CCSER1: variants seen among roughly 807,000 people sequenced by gnomAD.
CCSER1 encodes coiled-coil serine rich protein 1.
A neutral mutation model predicts 82.0 loss-of-function variants in CCSER1; 41 were observed. The observed-to-expected ratio is 0.50, with a 90% confidence interval of 0.39 to 0.65. The LOEUF (loss-of-function observed/expected upper bound fraction) is 0.65. Ranked by LOEUF, CCSER1 falls within the 30% of genes least tolerant of loss-of-function variation. The pLI, the probability that CCSER1 is intolerant of heterozygous loss-of-function variation, is 0.00. For synonymous variants in CCSER1, 414 were observed against 383.9 expected (o/e 1.08, Z -0.92); for missense variants, 1,119 against 1,064.2 (o/e 1.05, Z -0.72).
intron 1 of CCSER1, among the ~76,000 whole-genome samples, chr4:90,202,035 C>A (rs1005038879): frequency 1.3e-5 from 2 of 152,018 alleles, no homozygotes; most frequent in Non-Finnish European, 2.9e-5. Flanking sequence ...TAAGGTTACA[C>A]AGTATTTCCA....
chr4:90,800,351 C>CTA (rs1489401782), intron 7 of CCSER1, among the ~76,000 whole-genome samples: 1 of 152,134 alleles, frequency 6.6e-6, no homozygotes, highest in African/African-American at 2.4e-5. Context: ...AATCTTCCGC[C>CTA]TTGTCTTCCC....
intron 10 of CCSER1, among the ~76,000 whole-genome samples, chr4:91,519,444 A>C (rs765143855): frequency 1.6e-4 from 24 of 152,302 alleles, no homozygotes; most frequent in Middle Eastern, 6.8e-3. Flanking sequence ...GTGCAGTGGA[A>C]TCAAGTCATG....
intron 7 of CCSER1, among the ~76,000 whole-genome samples, chr4:90,758,821 A>C (rs576474744): frequency 6.6e-6 from 1 of 152,316 alleles, no homozygotes; most frequent in African/African-American, 2.4e-5. Context: ...ATAACACAAA[A>C]ATAGTGTAGT....
rs75760409 is a variant in CCSER1 at position 91,448,223 on chromosome 4, A to C, written c.2218-150349A>C. ...GTCTTTCAAATTTTCAAATATTTCT[A>C]TTTGACAGACTAATTTCTCTGTTCT... On this transcript the variant is annotated intron_variant, in intron 10 of 10. Coordinates refer to ENST00000509176, the MANE Select transcript of CCSER1 (RefSeq NM_001145065.2). Among the ~76,000 whole-genome samples the C allele has an allele frequency of 9.4e-3, 1,437 of 152,116 alleles. 24 individuals carry two copies. Among genetic ancestry groups the C allele is most frequent in the African/African-American group, 0.032 (1,345 of 41,536 alleles).
chr4:91,506,164 T>C (rs963927501), intron 10 of CCSER1, among the ~76,000 whole-genome samples: 1 of 152,188 alleles, frequency 6.6e-6, no homozygotes, highest in Non-Finnish European at 1.5e-5. Flanking sequence ...CTAGCCAGTT[T>C]TCCTAGCACC....
rs548950190 is a variant in CCSER1, at chr4:90,268,401, G to A, written c.-41-39843G>A. On this transcript the variant is annotated intron_variant, in intron 1 of 10. Coordinates refer to ENST00000509176, the MANE Select transcript of CCSER1 (RefSeq NM_001145065.2). ...ATGATAAGTTAAAAAGTGGGAATAC[G>A]AAGTTAAAGTGCAGAGTTTATATTA... Among the ~76,000 whole-genome samples, 9 of 152,152 alleles carry A rather than the reference G, an allele frequency of 5.9e-5. No individual in the cohort carries two copies. The South Asian group carries it at 1.0e-3, about 18-fold the overall frequency.
intron 9 of CCSER1, among the ~76,000 whole-genome samples, chr4:91,062,464 C>T (rs561080093): frequency 6.6e-6 from 1 of 152,214 alleles, no homozygotes; most frequent in East Asian, 1.9e-4. Flanking sequence ...AATGGCTTCT[C>T]AGACTATGTC....
At chr4:90,941,212 C>A (rs1232719826) in intron 9 of CCSER1, among the ~76,000 whole-genome samples, 1 of 152,046 alleles carries the variant, frequency 6.6e-6, no homozygotes, top group Non-Finnish European at 1.5e-5. Flanking sequence ...CTAGGTACTT[C>A]AATGACTATG....
intron 10 of CCSER1, among the ~76,000 whole-genome samples, chr4:91,173,336 G>A (rs970431032): frequency 2.0e-5 from 3 of 152,008 alleles, no homozygotes; most frequent in Admixed American, 6.6e-5. Context: ...GGTTCACACC[G>A]GTAATCCCAG....
chr4:90,717,763 T>C (rs866797896), intron 6 of CCSER1, among the ~76,000 whole-genome samples: 7 of 134,226 alleles, frequency 5.2e-5, no homozygotes, highest in Non-Finnish European at 1.0e-4. Flanking sequence ...TATACACACA[T>C]ATATAGTGTA....
At chr4:91,446,642 A>T (rs1755577405) in intron 10 of CCSER1, among the ~76,000 whole-genome samples, 2 of 141,510 alleles carry the variant, frequency 1.4e-5, no homozygotes, top group Admixed American at 1.5e-4. Flanking sequence ...CTATGTAATG[A>T]ATATTTTATA....
chr4:90,811,026 G>A (rs1046444643), intron 7 of CCSER1, among the ~76,000 whole-genome samples: 1 of 151,764 alleles, frequency 6.6e-6, no homozygotes, highest in Non-Finnish European at 1.5e-5. Context: ...TAGAGACGGG[G>A]TTTCATTGTG....
intron 5 of CCSER1, among the ~76,000 whole-genome samples, chr4:90,518,481 T>A (rs1360163415): frequency 6.6e-6 from 1 of 152,036 alleles, no homozygotes; most frequent in African/African-American, 2.4e-5. Flanking sequence ...TCATAACTAG[T>A]CCATTAACTA....
intron 10 of CCSER1, among the ~76,000 whole-genome samples, chr4:91,508,162 G>GTTTTT (rs139066436): frequency 4.1e-5 from 4 of 97,646 alleles, no homozygotes; most frequent in Non-Finnish European, 5.7e-5. Flanking sequence ...TTTTTTCTGG[G>GTTTTT]TTTTTTTTTT....
chr4:90,135,333 AC>A (rs916878060), intron 1 of CCSER1, among the ~76,000 whole-genome samples: 3 of 151,182 alleles, frequency 2.0e-5, no homozygotes, highest in African/African-American at 4.9e-5. Context: ...TTTGAGCAAG[AC>A]CCCCCCTTTG....
At chr4:91,074,531 TA>T (rs1379244427) in intron 9 of CCSER1, among the ~76,000 whole-genome samples, 1 of 152,224 alleles carries the variant, frequency 6.6e-6, no homozygotes, top group Non-Finnish European at 1.5e-5. Context: ...AGGAATGCTC[TA>T]GAAGTTATAC....
At chr4:90,509,724 C>T (rs1214891712) in intron 5 of CCSER1, among the ~76,000 whole-genome samples, 1 of 152,054 alleles carries the variant, frequency 6.6e-6, no homozygotes, top group Non-Finnish European at 1.5e-5. Context: ...CCAGTTGCAT[C>T]CTGAATTACA....
intron 10 of CCSER1, among the ~76,000 whole-genome samples, chr4:91,302,061 T>A (rs1256740704): frequency 6.6e-6 from 1 of 151,860 alleles, no homozygotes; most frequent in Non-Finnish European, 1.5e-5. Context: ...AATAACTCAG[T>A]TCCAACAAAG....
At chr4:90,849,450 G>A (rs777847482) in intron 8 of CCSER1, among the ~76,000 whole-genome samples, 1 of 152,112 alleles carries the variant, frequency 6.6e-6, no homozygotes, top group Non-Finnish European at 1.5e-5. Context: ...CAAGAGAAAG[G>A]AGAGCATAAA....
Sources: allele counts gnomAD v4.1 joint callset (sites outside exome capture counted in the v4.1 genomes callset), GRCh38; gene constraint gnomAD v4.1.1; transcripts MANE v1.5; gene names NCBI Gene and HGNC (gene_info 2026-07-23, HGNC 2026-07-21).